The following RALYL variants were observed in gnomAD, a reference collection of about 807,000 sequenced individuals.
RALYL encodes RALY RNA binding protein like.
A neutral mutation model predicts 35.1 loss-of-function variants in RALYL; 29 were observed. That is an observed-to-expected ratio of 0.83 (90% CI 0.61 to 1.13). RALYL has a LOEUF of 1.13. Among genes scored for constraint, RALYL ranks in the 50% most tolerant of loss-of-function variants. RALYL has a pLI of 0.00. For missense variants in RALYL, 359 were observed against 360.4 expected, an observed-to-expected ratio of 1.00 and a Z score of 0.03; for synonymous variants, 120 against 127.6, an observed-to-expected ratio of 0.94 and a Z score of 0.40.
intron 1 of RALYL, among the ~76,000 whole-genome samples, chr8:84,286,206 G>A (rs1837566700): frequency 6.6e-6 from 1 of 152,124 alleles, no homozygotes; most frequent in Admixed American, 6.5e-5. Context: ...GGGATTACAG[G>A]CATGAGCCAC....
At chr8:84,335,709 CTTT>C (rs548185561) in intron 1 of RALYL, among the ~76,000 whole-genome samples, 7 of 85,222 alleles carry the variant, frequency 8.2e-5, no homozygotes, top group East Asian at 3.7e-4. Flanking sequence ...GTTTTCTTAC[CTTT>C]TTTTTTTTTT....
At chr8:84,304,977 A>T (rs2132425791) in intron 1 of RALYL, among the ~76,000 whole-genome samples, 1 of 152,290 alleles carries the variant, frequency 6.6e-6, no homozygotes, top group Non-Finnish European at 1.5e-5. Flanking sequence ...TCATTATTTT[A>T]TTAAAACTGT....
At chr8:84,635,109 T>C (rs1211672807) in intron 2 of RALYL, among the ~76,000 whole-genome samples, 1 of 151,850 alleles carries the variant, frequency 6.6e-6, no homozygotes, top group Non-Finnish European at 1.5e-5. Flanking sequence ...TGAGGATAAC[T>C]GATTGAACAT....
intron 1 of RALYL, among the ~76,000 whole-genome samples, chr8:84,389,042 G>A (rs182241760): frequency 2.0e-5 from 3 of 152,260 alleles, no homozygotes; most frequent in African/African-American, 7.2e-5. Flanking sequence ...AAGGGATCCA[G>A]TTTCAGCTTT....
intron 2 of RALYL, among the ~76,000 whole-genome samples, chr8:84,632,031 T>A (rs1824024016): frequency 6.6e-6 from 1 of 151,748 alleles, no homozygotes; most frequent in African/African-American, 2.4e-5. Flanking sequence ...TAAAATGATA[T>A]TAGGAAGGGC....
At chr8:84,356,834 T>C (rs375480291) in intron 1 of RALYL, among the ~76,000 whole-genome samples, 3 of 150,886 alleles carry the variant, frequency 2.0e-5, no homozygotes, top group East Asian at 3.9e-4. Context: ...TAAAAGAATA[T>C]GTAAACATTT....
intron 2 of RALYL, among the ~76,000 whole-genome samples, chr8:84,550,975 G>T (rs1180114732): frequency 6.6e-6 from 1 of 151,810 alleles, no homozygotes; most frequent in Non-Finnish European, 1.5e-5. Context: ...ATTAAATAGA[G>T]AAATTAAGAA....
chr8:84,537,696 G>A lies in RALYL; in HGVS notation c.256+8119G>A, dbSNP rs565606444. Reference sequence around the variant, plus strand: ...TTTTTTCCTCATCAACCTTCTCAAAGAAGATCAAGGTACACTTCATTACAT... The same window carrying A: ...TTTTTTCCTCATCAACCTTCTCAAAAAAGATCAAGGTACACTTCATTACAT... On this transcript the variant is annotated intron_variant, in intron 2 of 8. Coordinates refer to ENST00000521268, the MANE Select transcript of RALYL (RefSeq NM_173848.7). Among the ~76,000 whole-genome samples the A allele has an allele frequency of 2.6e-5, 4 of 152,106 alleles. No homozygotes were observed. The South Asian group carries it at 8.3e-4, about 32-fold the overall frequency.
At chr8:84,509,034 TA>T (rs557438137) in intron 1 of RALYL, among the ~76,000 whole-genome samples, 1 of 152,222 alleles carries the variant, frequency 6.6e-6, no homozygotes, top group Non-Finnish European at 1.5e-5. Context: ...TTGTATACTT[TA>T]AAAAAATGTA....
At chr8:84,252,970 T>C (rs1830483797) in intron 1 of RALYL, among the ~76,000 whole-genome samples, 2 of 152,080 alleles carry the variant, frequency 1.3e-5, no homozygotes, top group South Asian at 4.1e-4. Flanking sequence ...TCTTCTCATT[T>C]GTAATTTATA....
rs371528448 is a variant in RALYL at position 84,827,800 on chromosome 8, G to C, written c.366-22180G>C. ...GAAAAATTGAAGTAGAAGTACATACGTTGAGATTTCCCAATTTTACCGTTA... is the reference window on the plus strand; with the variant it reads ...GAAAAATTGAAGTAGAAGTACATACCTTGAGATTTCCCAATTTTACCGTTA... On this transcript the variant is annotated intron_variant, in intron 4 of 8. Coordinates refer to ENST00000521268, the MANE Select transcript of RALYL (RefSeq NM_173848.7). 7.0e-4 allele frequency among the ~76,000 whole-genome samples: 107 copies of C among 152,082 alleles called. 2 individuals carry two copies. The highest frequency in any genetic ancestry group is 2.4e-3 in the African/African-American group (100 of 41,502).
intron 8 of RALYL, among the ~76,000 whole-genome samples, 152 bp from the exon 9 acceptor site, chr8:84,920,742 C>T (rs1179315890): frequency 6.6e-6 from 1 of 152,068 alleles, no homozygotes; most frequent in Non-Finnish European, 1.5e-5. Flanking sequence ...ACCTAAGAAC[C>T]TACCATCAAA....
At chr8:84,695,649 T>C (rs1037379241) in intron 2 of RALYL, among the ~76,000 whole-genome samples, 1 of 151,898 alleles carries the variant, frequency 6.6e-6, no homozygotes, top group Non-Finnish European at 1.5e-5. Flanking sequence ...TTAGTATTTG[T>C]TGCATGAAGT....
intron 1 of RALYL, among the ~76,000 whole-genome samples, chr8:84,330,996 C>T (rs1846700685): frequency 1.3e-5 from 2 of 151,920 alleles, no homozygotes; most frequent in Non-Finnish European, 2.9e-5. Flanking sequence ...AGCATTTGGT[C>T]TTGGAAATGA....
At chr8:84,415,214 T>TG (rs1554654501) in intron 1 of RALYL, among the ~76,000 whole-genome samples, 2 of 151,144 alleles carry the variant, frequency 1.3e-5, no homozygotes, top group Non-Finnish European at 2.9e-5. Context: ...CGTTTTTTTT[T>TG]TTTTGTTTTT....
intron 1 of RALYL, among the ~76,000 whole-genome samples, chr8:84,197,613 A>G (rs1044570828): frequency 2.0e-5 from 3 of 152,106 alleles, no homozygotes; most frequent in African/African-American, 7.2e-5. Context: ...GAGCTCCAGA[A>G]GATGAGACTA....
intron 2 of RALYL, among the ~76,000 whole-genome samples, chr8:84,730,940 A>G (rs1001678787): frequency 6.6e-6 from 1 of 152,078 alleles, no homozygotes; most frequent in African/African-American, 2.4e-5. Flanking sequence ...TTAGTGAATA[A>G]GAAAGAGGAG....
intron 1 of RALYL, among the ~76,000 whole-genome samples, chr8:84,387,381 C>T (rs952576229): frequency 3.3e-5 from 5 of 151,830 alleles, no homozygotes; most frequent in African/African-American, 1.2e-4. Flanking sequence ...GAGACCATAG[C>T]TTTTCTGATT....
chr8:84,831,457 T>G (rs1350511010), intron 4 of RALYL, among the ~76,000 whole-genome samples: 1 of 152,120 alleles, frequency 6.6e-6, no homozygotes, highest in African/African-American at 2.4e-5. Flanking sequence ...CAGATAAAAT[T>G]CTAGAAGGGT....
Sources: allele counts gnomAD v4.1 joint callset (sites outside exome capture counted in the v4.1 genomes callset), GRCh38; gene constraint gnomAD v4.1.1; transcripts MANE v1.5; gene names NCBI Gene and HGNC (gene_info 2026-07-23, HGNC 2026-07-21).